The following NRG1 variants were observed in gnomAD, a reference collection of about 807,000 sequenced individuals.
The protein encoded by NRG1 is pro-neuregulin-1, membrane-bound isoform.
A neutral mutation model predicts 63.8 loss-of-function variants in NRG1; 18 were observed. The observed-to-expected ratio is 0.28, with a 90% CI of 0.19 to 0.42. NRG1 has a LOEUF of 0.42. Among genes scored for constraint, NRG1 ranks in the 10% least tolerant of loss-of-function variants. NRG1 has a pLI of 1.00. For synonymous variants in NRG1, 302 were observed against 301.3 expected (o/e 1.00, Z -0.02); for missense variants, 762 against 814.7 (o/e 0.94, Z 0.79).
intron 1 of NRG1, among the ~76,000 whole-genome samples, chr8:32,536,038 G>C (rs971491567): frequency 6.6e-6 from 1 of 152,122 alleles, no homozygotes; most frequent in African/African-American, 2.4e-5. Flanking sequence ...CTGCAACATC[G>C]TACAATTGCC....
intron 2 of NRG1, among the ~76,000 whole-genome samples, chr8:32,600,131 T>C (rs761879997): frequency 6.6e-6 from 1 of 152,088 alleles, no homozygotes; most frequent in African/African-American, 2.4e-5. Context: ...TTAAGAAGCC[T>C]CTCTTTTAGC....
At chr8:32,175,387 C>A (rs1366617814) in intron 1 of NRG1, among the ~76,000 whole-genome samples, 2 of 152,122 alleles carry the variant, frequency 1.3e-5, no homozygotes, top group Non-Finnish European at 2.9e-5. Context: ...ACTGAATGGG[C>A]AAAAACTGGA....
intron 1 of NRG1, among the ~76,000 whole-genome samples, chr8:32,478,454 T>C (rs1219065567): frequency 1.3e-5 from 2 of 152,260 alleles, no homozygotes; most frequent in South Asian, 2.1e-4. Flanking sequence ...CCTATGCTAA[T>C]GTCATGACTG....
At chr8:32,241,858 A>G (rs1848131537) in intron 1 of NRG1, among the ~76,000 whole-genome samples, 1 of 151,630 alleles carries the variant, frequency 6.6e-6, no homozygotes, top group Non-Finnish European at 1.5e-5. Context: ...TCCTGGGCTT[A>G]AGCAATCCTC....
At chr8:31,838,843 G>A (rs545514678) in intron 1 of NRG1, among the ~76,000 whole-genome samples, 59 of 152,240 alleles carry the variant, frequency 3.9e-4, no homozygotes, top group African/African-American at 1.3e-3. Context: ...ATGTACAGGT[G>A]ATGAACTGCA....
chr8:32,370,006 A>G (rs918311252), intron 1 of NRG1, among the ~76,000 whole-genome samples: 6 of 152,152 alleles, frequency 3.9e-5, no homozygotes, highest in Non-Finnish European at 8.8e-5. Flanking sequence ...GTGATATGAA[A>G]GACTCCAAAG....
chr8:32,186,001 T>C (rs1412804383), intron 1 of NRG1, among the ~76,000 whole-genome samples: 3 of 152,184 alleles, frequency 2.0e-5, no homozygotes, highest in Non-Finnish European at 4.4e-5. Context: ...GGTTAGATCT[T>C]ATAGAAGTTA....
At chr8:32,392,979 C>T (rs1811972804) in intron 1 of NRG1, among the ~76,000 whole-genome samples, 1 of 152,092 alleles carries the variant, frequency 6.6e-6, no homozygotes, top group Admixed American at 6.6e-5. Context: ...CCCACTGTCT[C>T]TGCCCTCACA....
chr8:32,182,410 C>G (rs1217218061), intron 1 of NRG1, among the ~76,000 whole-genome samples: 1 of 152,178 alleles, frequency 6.6e-6, no homozygotes, highest in African/African-American at 2.4e-5. Context: ...CCATACCCAG[C>G]TAATTTTTGT....
intron 1 of NRG1, chr8:31,639,735 C>A (rs1192150041): frequency 7.3e-7 from 1 of 1,374,930 alleles, no homozygotes; most frequent in East Asian, 3.0e-5. Flanking sequence ...GGTTTTTTTG[C>A]CTTTTCTATT....
At chr8:32,304,575 A>T (rs1855979359) in intron 1 of NRG1, among the ~76,000 whole-genome samples, 1 of 149,030 alleles carries the variant, frequency 6.7e-6, no homozygotes, top group Non-Finnish European at 1.5e-5. Context: ...AATATTTGTT[A>T]ATGAAAAGTA....
chr8:32,714,296 G>GAATGA (rs1818613364), intron 5 of NRG1, among the ~76,000 whole-genome samples: 2 of 152,150 alleles, frequency 1.3e-5, no homozygotes, highest in Non-Finnish European at 2.9e-5. Context: ...AATGAAAGCA[G>GAATGA]ACAAATGAAC....
chr8:31,813,533 T>G (rs1353734596), intron 1 of NRG1, among the ~76,000 whole-genome samples: 1 of 147,258 alleles, frequency 6.8e-6, no homozygotes, highest in Non-Finnish European at 1.5e-5. Context: ...TTTTTTTTTT[T>G]GTTTTTTGAG....
intron 1 of NRG1, among the ~76,000 whole-genome samples, chr8:32,369,297 G>C (rs1808491060): frequency 6.6e-6 from 1 of 152,236 alleles, no homozygotes; most frequent in Non-Finnish European, 1.5e-5. Flanking sequence ...CAGTGTGGGG[G>C]AGTCAGGACC....
At chr8:32,270,838 T>C (rs1436204183) in intron 1 of NRG1, among the ~76,000 whole-genome samples, 2 of 152,214 alleles carry the variant, frequency 1.3e-5, no homozygotes, top group Non-Finnish European at 2.9e-5. Context: ...GTCTTTTTTT[T>C]TCTTTTCTCC....
At chr8:32,713,820 CAT>C (rs946554927) in intron 5 of NRG1, among the ~76,000 whole-genome samples, 2 of 147,162 alleles carry the variant, frequency 1.4e-5, no homozygotes, top group Admixed American at 6.8e-5. Flanking sequence ...ATATTATATA[CAT>C]ATATATATTT....
At chr8:32,723,257 C>T (rs767172371) in intron 5 of NRG1, among the ~76,000 whole-genome samples, 2 of 152,148 alleles carry the variant, frequency 1.3e-5, no homozygotes, top group Non-Finnish European at 1.5e-5. Context: ...TCCCAGCCAA[C>T]TTCAGTGTTC....
At chr8:31,978,607 C>G (rs1808578326) in intron 1 of NRG1, among the ~76,000 whole-genome samples, 1 of 151,946 alleles carries the variant, frequency 6.6e-6, no homozygotes, top group African/African-American at 2.4e-5. Flanking sequence ...AGCTTTAAAC[C>G]CATGTGATGT....
chr8:31,979,581 C>A (rs1808748582), intron 1 of NRG1, among the ~76,000 whole-genome samples: 1 of 151,972 alleles, frequency 6.6e-6, no homozygotes, highest in South Asian at 2.1e-4. Context: ...GCAGTGGTTT[C>A]TTTGATATCA....
Sources: gnomAD v4.1 joint callset for allele counts (sites outside exome capture counted in the v4.1 genomes callset) on GRCh38, gnomAD v4.1.1 for gene constraint, MANE v1.5 for transcripts, NCBI Gene and HGNC (gene_info 2026-07-23, HGNC 2026-07-21) for gene names.